The following ENTREP2 variants were observed in gnomAD, a reference collection of about 807,000 sequenced individuals.
ENTREP2 encodes protein ENTREP2.
chr15:29,397,127 A>G, the ENTREP2 span, among the ~76,000 whole-genome samples: 1 of 152,318 alleles, frequency 6.6e-6, no homozygotes, highest in South Asian at 2.1e-4. Flanking sequence ...TGGGTGGCTC[A>G]CACCTGTAAT....
At chr15:29,390,831 C>T in the ENTREP2 span, among the ~76,000 whole-genome samples, 19 of 152,316 alleles carry the variant, frequency 1.2e-4, no homozygotes, top group Non-Finnish European at 2.2e-4. Context: ...CCTTCTAGAA[C>T]GCAGTCTTGA....
the ENTREP2 span, chr15:29,137,259 T>C: frequency 7.4e-7 from 1 of 1,352,384 alleles, no homozygotes. Context: ...CTCATTAAGC[T>C]AATTATACGA....
the ENTREP2 span, among the ~76,000 whole-genome samples, chr15:29,558,261 A>G: frequency 6.6e-6 from 1 of 152,044 alleles, no homozygotes; most frequent in Non-Finnish European, 1.5e-5. Context: ...CACGCTGCCT[A>G]GCAGGCCTCT....
At chr15:29,549,505 C>T in the ENTREP2 span, among the ~76,000 whole-genome samples, 3 of 152,098 alleles carry the variant, frequency 2.0e-5, no homozygotes, top group Admixed American at 1.3e-4. Flanking sequence ...CTCCTGACCT[C>T]GTGATCCGCC....
At chr15:29,566,434 G>A in the ENTREP2 span, among the ~76,000 whole-genome samples, 2 of 151,536 alleles carry the variant, frequency 1.3e-5, no homozygotes, top group Admixed American at 1.3e-4. Flanking sequence ...AAAGTGATGG[G>A]ATTACAGGCG....
chr15:29,141,215 A>G, the ENTREP2 span, among the ~76,000 whole-genome samples: 13 of 152,332 alleles, frequency 8.5e-5, no homozygotes, highest in East Asian at 2.5e-3. Context: ...GAGATCGTGA[A>G]GAGGTCAACC....
At chr15:29,186,942 G>T in the ENTREP2 span, among the ~76,000 whole-genome samples, 2 of 152,176 alleles carry the variant, frequency 1.3e-5, no homozygotes, top group Non-Finnish European at 2.9e-5. Context: ...TAGAGGTGAG[G>T]TATGTGTATA....
At chr15:29,490,361 A>T in the ENTREP2 span, among the ~76,000 whole-genome samples, 11 of 152,206 alleles carry the variant, frequency 7.2e-5, no homozygotes, top group Non-Finnish European at 1.2e-4. Flanking sequence ...ATTTACCGCA[A>T]AGAGCGAAAG....
chr15:29,330,238 A>G, the ENTREP2 span, among the ~76,000 whole-genome samples: 1 of 151,646 alleles, frequency 6.6e-6, no homozygotes, highest in Non-Finnish European at 1.5e-5. Flanking sequence ...GGAGATGGAG[A>G]TCATCCTGGC....
At chr15:29,394,923 T>C in the ENTREP2 span, among the ~76,000 whole-genome samples, 3 of 147,868 alleles carry the variant, frequency 2.0e-5, no homozygotes, top group Non-Finnish European at 4.5e-5. Flanking sequence ...AGTTTTGTTC[T>C]GTCGCCCACG....
the ENTREP2 span, among the ~76,000 whole-genome samples, chr15:29,442,584 C>A: frequency 6.6e-6 from 1 of 152,150 alleles, no homozygotes; most frequent in Non-Finnish European, 1.5e-5. Flanking sequence ...CCAGGGAAGC[C>A]CCCATCAGGG....
At chr15:29,656,777 C>G in the ENTREP2 span, among the ~76,000 whole-genome samples, 2 of 152,126 alleles carry the variant, frequency 1.3e-5, no homozygotes, top group Non-Finnish European at 2.9e-5. Flanking sequence ...TAAAGCCACT[C>G]TGAAAAACAG....
the ENTREP2 span, among the ~76,000 whole-genome samples, chr15:29,177,050 T>G: frequency 6.6e-6 from 1 of 151,568 alleles, no homozygotes; most frequent in African/African-American, 2.4e-5. Context: ...GAGCCAAGGG[T>G]GGGAGAAGGA....
chr15:29,579,326 T>G, the ENTREP2 span, among the ~76,000 whole-genome samples: 2 of 152,290 alleles, frequency 1.3e-5, no homozygotes, highest in Admixed American at 6.5e-5. Context: ...CACATTTTTA[T>G]AGCAACAGCA....
chr15:29,653,286 A>C, the ENTREP2 span, among the ~76,000 whole-genome samples: 1 of 152,200 alleles, frequency 6.6e-6, no homozygotes, highest in Non-Finnish European at 1.5e-5. Context: ...CCAATGACCA[A>C]AACCACAAAT....
chr15:29,620,315 A>G, the ENTREP2 span, among the ~76,000 whole-genome samples: 1 of 152,052 alleles, frequency 6.6e-6, no homozygotes, highest in African/African-American at 2.4e-5. Context: ...GGGAATTGGG[A>G]GAAACCGGGG....
the ENTREP2 span, among the ~76,000 whole-genome samples, chr15:29,609,498 C>T: frequency 6.7e-6 from 1 of 149,792 alleles, no homozygotes; most frequent in Non-Finnish European, 1.5e-5. Flanking sequence ...GATTCACCCC[C>T]GTTCATCTCT....
At chr15:29,472,468 CACACAT>C in the ENTREP2 span, among the ~76,000 whole-genome samples, 1,087 of 124,550 alleles carry the variant, frequency 8.7e-3, 10 homozygotes, top group African/African-American at 0.035. Flanking sequence ...CACACACACA[CACACAT>C]ATAAATTTGA....
At chr15:29,448,912 C>G in the ENTREP2 span, among the ~76,000 whole-genome samples, 1 of 152,186 alleles carries the variant, frequency 6.6e-6, no homozygotes, top group East Asian at 1.9e-4. Flanking sequence ...GGTCTAGGAG[C>G]CTGATTCCAA....
Sources: gnomAD v4.1 joint callset for allele counts (sites outside exome capture counted in the v4.1 genomes callset) on GRCh38, gnomAD v4.1.1 for gene constraint, MANE v1.5 for transcripts, NCBI Gene and HGNC (gene_info 2026-07-23, HGNC 2026-07-21) for gene names.